Variants in XKR4 observed in about 807,000 individuals in gnomAD.
XKR4 encodes XK related 4.
In XKR4, 12 loss-of-function variants were observed where a neutral mutation model predicts 53.9. The observed-to-expected ratio is 0.22, with a 90% CI of 0.14 to 0.36. The LOEUF (loss-of-function observed/expected upper bound fraction) is 0.36, where lower values mean the gene tolerates loss of function less well. Ranked by LOEUF, XKR4 falls within the 10% of genes least tolerant of loss-of-function variation. The probability of loss-of-function intolerance (pLI) is 1.00; values close to 1 mark genes in which losing one functional copy is unlikely to be tolerated. For synonymous variants in XKR4, 354 were observed against 362.4 expected, an observed-to-expected ratio of 0.98 and a Z score of 0.26; for missense variants, 799 against 859.5, an observed-to-expected ratio of 0.93 and a Z score of 0.88.
At chr8:55,415,232 G>C (rs1804830318) in intron 2 of XKR4, among the ~76,000 whole-genome samples, 1 of 152,168 alleles carries the variant, frequency 6.6e-6, no homozygotes, top group Non-Finnish European at 1.5e-5. Context: ...GAAATCAAGG[G>C]AGAGTTTTAT....
At chr8:55,467,250 C>G (rs1461323094) in intron 2 of XKR4, among the ~76,000 whole-genome samples, 5 of 152,156 alleles carry the variant, frequency 3.3e-5, no homozygotes, top group Non-Finnish European at 7.3e-5. Flanking sequence ...TCTGTTCCTG[C>G]TTGGTGTCAC....
At chr8:55,284,408 C>A (rs919948923) in intron 1 of XKR4, among the ~76,000 whole-genome samples, 2 of 152,106 alleles carry the variant, frequency 1.3e-5, no homozygotes, top group Non-Finnish European at 2.9e-5. Context: ...TGGGTGAAAT[C>A]ATCTGGGGCT....
rs540642836 is a variant in XKR4 at position 55,523,128 on chromosome 8, C to T, written c.1007-153C>T. Among the ~76,000 whole-genome samples, 5 of 141,356 alleles carry T rather than the reference C, an allele frequency of 3.5e-5. No individual in the cohort carries two copies. The South Asian group carries it at 6.8e-4, about 19-fold the overall frequency. The allele number at this position is 141,356 out of a possible 152,430, so 92.7% of individuals were successfully genotyped here. A position where few individuals can be genotyped will look rare whatever the true frequency, so the allele number is the denominator to read the frequency against. The stretch of plus-strand genomic sequence containing the variant: ...CTGCACTCCAGTCTGGGCAACAGAG[C>T]GAGACTCTGTCTCAAAAAAAAAAAA... On this transcript the variant is annotated intron_variant, in intron 2 of 2. Coordinates refer to ENST00000327381, the MANE Select transcript of XKR4 (RefSeq NM_052898.2).
intron 2 of XKR4, among the ~76,000 whole-genome samples, chr8:55,445,716 C>G (rs1805337437): frequency 6.6e-6 from 1 of 152,108 alleles, no homozygotes; most frequent in African/African-American, 2.4e-5. Flanking sequence ...TGCCCCTAGT[C>G]AAATCAGAAG....
chr8:55,491,625 G>GGTTT (rs112852043), intron 2 of XKR4, among the ~76,000 whole-genome samples: 52,071 of 149,672 alleles, frequency 0.35, 9,570 homozygotes, highest in East Asian at 0.55. Flanking sequence ...TGTCTTTGGG[G>GGTTT]GTTTGTTTGT....
intron 1 of XKR4, among the ~76,000 whole-genome samples, chr8:55,232,813 G>A (rs1452080067): frequency 6.6e-6 from 1 of 152,116 alleles, no homozygotes; most frequent in Non-Finnish European, 1.5e-5. Flanking sequence ...GACCAACCAG[G>A]GTGTGTTTAT....
At chr8:55,465,898 A>T (rs1805759682) in intron 2 of XKR4, among the ~76,000 whole-genome samples, 2 of 152,166 alleles carry the variant, frequency 1.3e-5, no homozygotes, top group African/African-American at 4.8e-5. Flanking sequence ...GCTCATCATC[A>T]CTGGCCATCA....
At chr8:55,224,660 A>C (rs2129365939) in intron 1 of XKR4, among the ~76,000 whole-genome samples, 1 of 152,322 alleles carries the variant, frequency 6.6e-6, no homozygotes, top group African/African-American at 2.4e-5. Flanking sequence ...GGGTTAAACA[A>C]ATTTGGCAAA....
intron 1 of XKR4, among the ~76,000 whole-genome samples, chr8:55,348,889 G>A (rs1314976270): frequency 6.6e-6 from 1 of 152,080 alleles, no homozygotes; most frequent in African/African-American, 2.4e-5. Context: ...TATAGAACTA[G>A]ATAAATACAG....
At chr8:55,392,747 A>G (rs547240456) in intron 2 of XKR4, among the ~76,000 whole-genome samples, 6 of 152,282 alleles carry the variant, frequency 3.9e-5, no homozygotes, top group African/African-American at 1.4e-4. Flanking sequence ...GCTGAGATTG[A>G]ACCACTGCAC....
Position 55,164,175 on chromosome 8 carries a change from A to T in XKR4, c.806+60881A>T, listed in dbSNP as rs1018126133. 6.6e-6 allele frequency: 3 copies of T among 456,654 alleles called. No homozygotes were observed. The Admixed American group carries it at 7.0e-5, about 11-fold the overall frequency. 28.3% of individuals were successfully genotyped at this position (456,654 alleles called of 1,614,324 possible). On this transcript the variant is annotated intron_variant, in intron 1 of 2. Transcript: ENST00000327381. ...GCTCCAAGCGCCACTGGCCTGGCCC[A>T]GCACACAGGTTGCCTCGTCCGCCGC...
intron 1 of XKR4, among the ~76,000 whole-genome samples, chr8:55,188,196 C>A (rs1408573807): frequency 6.6e-6 from 1 of 152,110 alleles, no homozygotes; most frequent in African/African-American, 2.4e-5. Context: ...CTATGAAACA[C>A]CTCTTGCAAC....
chr8:55,262,101 C>A (rs1276115651), intron 1 of XKR4, among the ~76,000 whole-genome samples: 1 of 151,852 alleles, frequency 6.6e-6, no homozygotes, highest in East Asian at 1.9e-4. Context: ...TCTGACTTTG[C>A]ATAATAATGG....
At chr8:55,420,391 G>A (rs1398548350) in intron 2 of XKR4, among the ~76,000 whole-genome samples, 1 of 151,780 alleles carries the variant, frequency 6.6e-6, no homozygotes, top group Non-Finnish European at 1.5e-5. Context: ...CAACCCAAAT[G>A]TCCAACAATG....
chr8:55,332,807 C>A (rs560869911), intron 1 of XKR4, among the ~76,000 whole-genome samples: 1 of 151,778 alleles, frequency 6.6e-6, no homozygotes, highest in African/African-American at 2.4e-5. Flanking sequence ...CAAGTAATCC[C>A]TCTATTCCTT....
chr8:55,519,507 A>G (rs982133475), intron 2 of XKR4, among the ~76,000 whole-genome samples: 4 of 152,118 alleles, frequency 2.6e-5, no homozygotes, highest in Non-Finnish European at 4.4e-5. Context: ...ATTTTCAAGT[A>G]CTATACTCTT....
rs755794817 is a variant in XKR4, at chr8:55,524,254, C to T, written c.*27C>T. On this transcript the variant is annotated 3_prime_UTR_variant, in exon 3 of 3. Coordinates refer to ENST00000327381, the MANE Select transcript of XKR4 (RefSeq NM_052898.2). Reference sequence around the variant, plus strand: ...GCAAAAGGAGTTGCAGGACCCACAACATCCAGATGAAGGGGTGACAGCAGG... The same window carrying T: ...GCAAAAGGAGTTGCAGGACCCACAATATCCAGATGAAGGGGTGACAGCAGG... 1.9e-6 allele frequency: 3 copies of T among 1,587,952 alleles called. No individual in the cohort carries two copies. The East Asian group carries it at 6.7e-5, about 36-fold the overall frequency.
chr8:55,432,264 G>A (rs1451303017), intron 2 of XKR4, among the ~76,000 whole-genome samples: 1 of 152,140 alleles, frequency 6.6e-6, no homozygotes, highest in African/African-American at 2.4e-5. Flanking sequence ...CTAGCTATGT[G>A]ACTTTGGGCA....
At chr8:55,186,144 T>C (rs1348411572) in intron 1 of XKR4, among the ~76,000 whole-genome samples, 1 of 152,092 alleles carries the variant, frequency 6.6e-6, no homozygotes, top group African/African-American at 2.4e-5. Context: ...CCAATTCATC[T>C]CCCAGAATAA....
Sources: allele counts gnomAD v4.1 joint callset (sites outside exome capture counted in the v4.1 genomes callset), GRCh38; gene constraint gnomAD v4.1.1; transcripts MANE v1.5; gene names NCBI Gene and HGNC (gene_info 2026-07-23, HGNC 2026-07-21).